MAP3K7CL: variants seen among roughly 807,000 people sequenced by gnomAD.
The protein encoded by MAP3K7CL is MAP3K7 C-terminal-like protein.
In MAP3K7CL, 16 loss-of-function variants were observed where a neutral mutation model predicts 18.6. The observed-to-expected ratio is 0.86, with a 90% CI of 0.58 to 1.31. MAP3K7CL has a LOEUF of 1.31. MAP3K7CL is among the 50% of genes most tolerant of loss of function. MAP3K7CL has a pLI of 0.00. For missense variants in MAP3K7CL, 163 were observed against 174.4 expected (o/e 0.93, Z 0.37); for synonymous variants, 65 against 66.8 (o/e 0.97, Z 0.13).
chr21:29,169,091 T>C (rs944954585), intron 4 of MAP3K7CL, among the ~76,000 whole-genome samples: 1 of 152,206 alleles, frequency 6.6e-6, no homozygotes, highest in African/African-American at 2.4e-5. Context: ...GGTTTGCTAT[T>C]GACATCTAGT....
rs148190486 is a variant in MAP3K7CL, at chr21:29,175,214, C to T, written c.*322C>T. Reference sequence around the variant, plus strand: ...GAAAATGATAAAAATAGACTATTGACTGACCCAGCTAAGAATCGTGGGCTG... The same window carrying T: ...GAAAATGATAAAAATAGACTATTGATTGACCCAGCTAAGAATCGTGGGCTG... On this transcript the variant is annotated 3_prime_UTR_variant, in exon 5 of 5. Coordinates refer to ENST00000399928, the MANE Select transcript of MAP3K7CL (RefSeq NM_001286620.2). 5.1e-5 allele frequency: 9 copies of T among 177,418 alleles called. No individual in the cohort carries two copies. Among genetic ancestry groups the T allele is most frequent in the East Asian group, 3.1e-4 (2 of 6,494 alleles). 11.0% of individuals were successfully genotyped at this position (177,418 alleles called of 1,614,324 possible). A position where few individuals can be genotyped will look rare whatever the true frequency, so the allele number is the denominator to read the frequency against.
chr21:29,103,466 C>A (rs997416508), intron 4 of MAP3K7CL, among the ~76,000 whole-genome samples: 4 of 152,092 alleles, frequency 2.6e-5, no homozygotes, highest in Non-Finnish European at 4.4e-5. Context: ...CGCGGTGGCT[C>A]ATGCCTGTAA....
intron 2 of MAP3K7CL, among the ~76,000 whole-genome samples, chr21:29,140,221 T>G (rs1213427453): frequency 6.6e-6 from 1 of 152,158 alleles, no homozygotes; most frequent in African/African-American, 2.4e-5. Context: ...ACTTATAAAA[T>G]CAGTAATACA....
intron 4 of MAP3K7CL, among the ~76,000 whole-genome samples, chr21:29,107,190 C>T (rs1568939470): frequency 6.6e-6 from 1 of 152,066 alleles, no homozygotes; most frequent in Non-Finnish European, 1.5e-5. Flanking sequence ...GTGGTGGACA[C>T]CTGTAATCCC....
chr21:29,118,645 C>A (rs1291770044), intron 4 of MAP3K7CL, among the ~76,000 whole-genome samples: 1 of 152,164 alleles, frequency 6.6e-6, no homozygotes, highest in Admixed American at 6.5e-5. Context: ...TGTGAAGGCA[C>A]AAAGTTGGCA....
chr21:29,079,628 G>T (rs993641754), intron 1 of MAP3K7CL, among the ~76,000 whole-genome samples: 1 of 152,216 alleles, frequency 6.6e-6, no homozygotes, highest in Admixed American at 6.5e-5. Context: ...AGCAAGAATT[G>T]GTGGTGCACT....
rs776101502 is a variant in MAP3K7CL, at chr21:29,109,157, C to T, written c.370+16576C>T. The stretch of plus-strand genomic sequence containing the variant: ...ATGCTTGTTTCTTCCTCTTCCCTAA[C>T]GCCCTTTCCACCAGTGCGGACTGCA... On this transcript the variant is annotated intron_variant, in intron 4 of 6. Transcript: ENST00000286791. 144 of 1,535,412 alleles carry T rather than the reference C, an allele frequency of 9.4e-5. No homozygotes were observed. The East Asian group carries it at 1.8e-3, about 19-fold the overall frequency.
At chr21:29,170,963 A>G (rs1231519730) in intron 4 of MAP3K7CL, among the ~76,000 whole-genome samples, 2 of 147,790 alleles carry the variant, frequency 1.4e-5, no homozygotes, top group Non-Finnish European at 3.0e-5. Context: ...TTTAATTTAT[A>G]TAGGCTTTAC....
At chr21:29,110,620 C>T (rs1279667003) in intron 4 of MAP3K7CL, among the ~76,000 whole-genome samples, 1 of 152,066 alleles carries the variant, frequency 6.6e-6, no homozygotes, top group African/African-American at 2.4e-5. Context: ...TGGTCTCAAA[C>T]TCTTGATCTC....
At chr21:29,162,227 C>A (rs2087566042) in intron 4 of MAP3K7CL, among the ~76,000 whole-genome samples, 1 of 151,766 alleles carries the variant, frequency 6.6e-6, no homozygotes, top group East Asian at 1.9e-4. Flanking sequence ...ATAGAAAAAT[C>A]CTCAGTAATT....
chr21:29,124,614 ACT>A (rs2086653639), intron 4 of MAP3K7CL, among the ~76,000 whole-genome samples: 1 of 152,000 alleles, frequency 6.6e-6, no homozygotes, highest in Non-Finnish European at 1.5e-5. Context: ...GGGTCCAAAA[ACT>A]CTGAGGATCA....
At chr21:29,085,977 G>A in intron 1 of MAP3K7CL, 1 of 1,562,680 alleles carries the variant, frequency 6.4e-7, no homozygotes, top group Non-Finnish European at 8.8e-7. Context: ...CCTGTTTTCA[G>A]TGAAAACAGG....
chr21:29,094,983 G>C (rs1408088834), intron 4 of MAP3K7CL, among the ~76,000 whole-genome samples: 7 of 151,860 alleles, frequency 4.6e-5, no homozygotes, highest in Non-Finnish European at 7.4e-5. Context: ...GTTTGAGCCT[G>C]GGAGGCGGAG....
At chr21:29,077,647 G>C (rs545422710) in exon 1 of MAP3K7CL, 115 of 159,298 alleles carry the variant, frequency 7.2e-4, no homozygotes, top group Non-Finnish European at 9.1e-4. Context: ...GAGCGAGGGA[G>C]GGCTGTGAGG....
chr21:29,156,010 T>C (rs1163831331), intron 3 of MAP3K7CL, among the ~76,000 whole-genome samples: 1 of 152,238 alleles, frequency 6.6e-6, no homozygotes, highest in Non-Finnish European at 1.5e-5. Flanking sequence ...AGTATCTTTA[T>C]TCTTCAATTT....
intron 3 of MAP3K7CL, among the ~76,000 whole-genome samples, chr21:29,152,050 C>T (rs979760025): frequency 1.8e-4 from 27 of 151,952 alleles, no homozygotes; most frequent in Admixed American, 6.6e-5. Flanking sequence ...GAGTGTGTTA[C>T]CAGCAATACA....
chr21:29,085,774 T>C, upstream of MAP3K7CL: 1 of 1,350,616 alleles, frequency 7.4e-7, no homozygotes, highest in Non-Finnish European at 1.1e-6. Flanking sequence ...AATGTTGCGA[T>C]GGCTTTGATG....
chr21:29,150,250 C>T (rs2087238455), intron 3 of MAP3K7CL, among the ~76,000 whole-genome samples: 1 of 152,166 alleles, frequency 6.6e-6, no homozygotes, highest in African/African-American at 2.4e-5. Context: ...TTCCGCAAGC[C>T]AAGATAGTGT....
chr21:29,162,936 C>G (rs908489866), intron 4 of MAP3K7CL, among the ~76,000 whole-genome samples: 3 of 152,114 alleles, frequency 2.0e-5, no homozygotes, highest in African/African-American at 7.2e-5. Context: ...AAAGCCCTGT[C>G]TCTACTAAAA....
Sources: gnomAD v4.1 joint callset for allele counts (sites outside exome capture counted in the v4.1 genomes callset) on GRCh38, gnomAD v4.1.1 for gene constraint, MANE v1.5 for transcripts, NCBI Gene and HGNC (gene_info 2026-07-23, HGNC 2026-07-21) for gene names.